The following PLPPR4 variants were observed in gnomAD, a reference collection of about 807,000 sequenced individuals.
PLPPR4 encodes the protein phospholipid phosphatase related 4, also known as phospholipid phosphatase-related protein type 4.
Under a neutral mutation model 56.6 loss-of-function variants are expected in PLPPR4, and 24 were observed. The observed-to-expected ratio is 0.42, with a 90% CI of 0.31 to 0.60. PLPPR4 has a LOEUF of 0.60. Among genes scored for constraint, PLPPR4 ranks in the 20% least tolerant of loss-of-function variants. The pLI is 0.13. For missense variants in PLPPR4, 654 were observed against 885.8 expected, an observed-to-expected ratio of 0.74 and a Z score of 3.32; for synonymous variants, 326 against 328.1, an observed-to-expected ratio of 0.99 and a Z score of 0.07.
intron 1 of PLPPR4, among the ~76,000 whole-genome samples, chr1:99,274,270 T>C (rs1227021437): frequency 3.3e-5 from 5 of 152,114 alleles, no homozygotes; most frequent in Non-Finnish European, 7.4e-5. Flanking sequence ...ATTTTTCTCA[T>C]TTGAAAATGA....
Position 99,301,715 on chromosome 1 carries a change from AT to A in PLPPR4, c.649-4del. On this transcript the variant is annotated splice_region_variant and splice_polypyrimidine_tract_variant and intron_variant, in intron 5 of 6. Transcript: ENST00000370185. The stretch of plus-strand genomic sequence containing the variant: ...CTAACATACTTAACCCATTTCTTCC[AT>A]TTTTAAGATGTACTTCAATTCCACA... 1 of 1,593,724 alleles carries A rather than the reference AT, an allele frequency of 6.3e-7. No individual in the cohort carries two copies. The highest frequency in any genetic ancestry group is 8.6e-7 in the Non-Finnish European group (1 of 1,168,490).
At chr1:99,264,740 G>A (rs907879256) in intron 1 of PLPPR4, 69 bp downstream of exon 1, 1 of 1,509,682 alleles carries the variant, frequency 6.6e-7, no homozygotes, top group Non-Finnish European at 9.0e-7. Context: ...TCAGGTCCTG[G>A]ACAGTGTTGG....
rs769001489 is a variant in PLPPR4 at position 99,306,827 on chromosome 1, C to G, written c.1965C>G (p.Ile655Met). The G allele has an allele frequency of 1.2e-6, 2 of 1,613,996 alleles. No homozygotes were observed. The highest frequency in any genetic ancestry group is 1.7e-6 in the Non-Finnish European group (2 of 1,180,024). ...ATCACCACCACGGAATTACCACCAT[C>G]CGCGTCACCCCAGTAGAGGGCAGCG... ...NEHHHHGITTIRVTPVEGSEI... is the reference protein window; with the variant it reads ...NEHHHHGITTMRVTPVEGSEI... The change falls in exon 7 of 7, where the codon ATC (isoleucine) becomes ATG (methionine). Residue 655 changes from isoleucine to methionine, a missense_variant. Physicochemically the swap from Ile to Met is conservative, Grantham distance 10. Around this residue, in one of 2 missense-constraint regions of PLPPR4, gnomAD observed 468 missense variants for 554.3 expected, o/e 0.84. Transcript: ENST00000370185. This position sits in a 1 kb window ranked among gnomAD's most constrained non-coding sequence, Gnocchi z 4.0.
intron 2 of PLPPR4, among the ~76,000 whole-genome samples, chr1:99,296,310 G>C (rs1659738730): frequency 6.6e-6 from 1 of 152,166 alleles, no homozygotes; most frequent in Non-Finnish European, 1.5e-5. Context: ...TATTTCAAGT[G>C]ATCAATACCT....
In PLPPR4 at chr1:99,308,859, C is replaced by T. The variant is rs749839269; in HGVS notation, c.*1849C>T. 1.6e-4 allele frequency: 24 copies of T among 152,580 alleles called. No individual in the cohort carries two copies. Among genetic ancestry groups the T allele is most frequent in the Non-Finnish European group, 2.8e-4 (19 of 68,036 alleles). 9.5% of individuals were successfully genotyped at this position (152,580 alleles called of 1,614,324 possible). On this transcript the variant is annotated 3_prime_UTR_variant, in exon 7 of 7. Transcript: ENST00000370185. ...CTTCTCACCACCACCGCCATCATGA[C>T]GCTCATACTGGCTTTTGCCTGTTTG...
intron 1 of PLPPR4, among the ~76,000 whole-genome samples, chr1:99,267,154 A>G (rs961237496): frequency 2.6e-5 from 4 of 152,256 alleles, no homozygotes; most frequent in African/African-American, 9.6e-5. Context: ...AGGAGAAAAC[A>G]GTCCCTGGTT....
chr1:99,270,682 T>C (rs1659034282), intron 1 of PLPPR4, among the ~76,000 whole-genome samples: 1 of 152,228 alleles, frequency 6.6e-6, no homozygotes, highest in Non-Finnish European at 1.5e-5. Flanking sequence ...TGCTGAGAAA[T>C]ATTGCTAGTC....
At chr1:99,271,074 A>ATT (rs1052273054) in intron 1 of PLPPR4, among the ~76,000 whole-genome samples, 2 of 152,078 alleles carry the variant, frequency 1.3e-5, no homozygotes, top group African/African-American at 4.8e-5. Context: ...TCAAAATGTG[A>ATT]TTTTTTTCTA....
intron 1 of PLPPR4, among the ~76,000 whole-genome samples, chr1:99,275,307 A>C (rs1659156900): frequency 6.6e-6 from 1 of 152,196 alleles, no homozygotes; most frequent in South Asian, 2.1e-4. Context: ...TTTTATGTAC[A>C]TGAAGAAAAA....
At position 99,306,805 on chromosome 1, in the gene PLPPR4, A is replaced by T; in HGVS notation, c.1943A>T (p.His648Leu). Residue 648 changes from histidine (H) to leucine (L), a missense_variant, in exon 7 of 7, where the codon CAC becomes CTC. His to Leu is a moderately conservative substitution (Grantham distance 99, BLOSUM62 -3). Coordinates refer to ENST00000370185, the MANE Select transcript of PLPPR4 (RefSeq NM_014839.5). The surrounding 1 kb of genome is among the most constrained non-coding windows in gnomAD (Gnocchi z 4.0). ...AGCAACATTGATAGCAATGAGCATCACCACCACGGAATTACCACCATCCGC... is the reference window on the plus strand; with the variant it reads ...AGCAACATTGATAGCAATGAGCATCTCCACCACGGAATTACCACCATCCGC... The part of the protein sequence containing the change: ...KRSNIDSNEH[H>L]HHGITTIRVT... 6.2e-7 allele frequency: 1 copy of T among 1,614,106 alleles called. No individual in the cohort carries two copies. Among genetic ancestry groups the T allele is most frequent in the Non-Finnish European group, 8.5e-7 (1 of 1,180,012 alleles).
Position 99,296,878 on chromosome 1 carries a change from G to T in PLPPR4, c.394+11G>T. Reference sequence around the variant, plus strand: ...CTGTCAGATTCGTTGGTGGGTGTGGGGAACCACAAAGAAAAGAAATGCTTT... The same window carrying T: ...CTGTCAGATTCGTTGGTGGGTGTGGTGAACCACAAAGAAAAGAAATGCTTT... On this transcript the variant is annotated intron_variant, in intron 3 of 6. Transcript: ENST00000370185. The T allele has an allele frequency of 6.5e-7, 1 of 1,529,260 alleles. No homozygotes were observed. The highest frequency in any genetic ancestry group is 8.8e-7 in the Non-Finnish European group (1 of 1,134,862). The allele number at this position is 1,529,260 out of a possible 1,614,324, so 94.7% of individuals were successfully genotyped here.
At chr1:99,291,291 G>C (rs1454826108) in intron 2 of PLPPR4, among the ~76,000 whole-genome samples, 1 of 152,126 alleles carries the variant, frequency 6.6e-6, no homozygotes, top group African/African-American at 2.4e-5. Context: ...AAAAATATTA[G>C]ATGGTGGTGA....
intron 1 of PLPPR4, among the ~76,000 whole-genome samples, chr1:99,275,624 A>C (rs572012826): frequency 1.3e-5 from 2 of 152,298 alleles, no homozygotes; most frequent in East Asian, 3.9e-4. Context: ...TGGCCACATT[A>C]TTCTTTGGCT....
upstream of PLPPR4, among the ~76,000 whole-genome samples, chr1:99,263,761 G>T (rs571319578): frequency 3.3e-5 from 5 of 152,136 alleles, no homozygotes; most frequent in Non-Finnish European, 4.4e-5. Flanking sequence ...TGTTCTGGGG[G>T]TGTGACAGTG....
chr1:99,283,851 CTG>C (rs1196472104), intron 1 of PLPPR4, among the ~76,000 whole-genome samples: 2 of 152,130 alleles, frequency 1.3e-5, no homozygotes, highest in East Asian at 3.9e-4. Context: ...ACTCAGGAGA[CTG>C]AGGCAGGAGA....
intron 1 of PLPPR4, among the ~76,000 whole-genome samples, chr1:99,286,527 TG>T (rs1337900446): frequency 1.3e-5 from 2 of 151,986 alleles, no homozygotes. Flanking sequence ...ATAAGTGTCA[TG>T]AAAAAAATCA....
rs561111049 is a variant in PLPPR4 at position 99,305,501 on chromosome 1, C to T, written c.823-184C>T. Among the ~76,000 whole-genome samples the T allele has an allele frequency of 7.9e-5, 12 of 152,176 alleles. No homozygotes were observed. The South Asian group carries it at 1.0e-3, about 13-fold the overall frequency. Reference sequence around the variant, plus strand: ...TCACATTGCTGAGCAATTCATGCAGCGATTTATGATATAACTTACAAAGTA... The same window carrying T: ...TCACATTGCTGAGCAATTCATGCAGTGATTTATGATATAACTTACAAAGTA... On this transcript the variant is annotated intron_variant, in intron 6 of 6. Transcript: ENST00000370185.
At chr1:99,297,762 T>C (rs1659778883) in intron 3 of PLPPR4, among the ~76,000 whole-genome samples, 1 of 151,978 alleles carries the variant, frequency 6.6e-6, no homozygotes, top group Non-Finnish European at 1.5e-5. Flanking sequence ...AAGAAAACAA[T>C]AGACAGCTTA....
chr1:99,270,171 T>C (rs994097069), intron 1 of PLPPR4, among the ~76,000 whole-genome samples: 2 of 151,944 alleles, frequency 1.3e-5, no homozygotes, highest in African/African-American at 4.8e-5. Context: ...ACTACAGGCA[T>C]GCACCACCAC....
Sources: allele counts gnomAD v4.1 joint callset (sites outside exome capture counted in the v4.1 genomes callset), GRCh38; gene constraint gnomAD v4.1.1; regional missense constraint gnomAD v4.1.1; non-coding constraint Gnocchi (gnomAD v3.1); transcripts MANE v1.5; gene names NCBI Gene and HGNC (gene_info 2026-07-23, HGNC 2026-07-21).